Variants in LDAH observed in about 807,000 individuals in gnomAD.
The protein encoded by LDAH is lipid droplet associated hydrolase, also known as lipid droplet-associated hydrolase.
A neutral mutation model predicts 29.6 loss-of-function variants in LDAH; 26 were observed. The observed-to-expected ratio is 0.88, with a 90% confidence interval of 0.64 to 1.22. The LOEUF (loss-of-function observed/expected upper bound fraction) is 1.22, where lower values mean the gene tolerates loss of function less well. Ranked by LOEUF, LDAH falls within the 50% of genes most tolerant of loss-of-function variation. LDAH has a pLI of 0.00. For missense variants in LDAH, 344 were observed against 387.3 expected, an observed-to-expected ratio of 0.89 and a Z score of 0.94; for synonymous variants, 117 against 133.0, an observed-to-expected ratio of 0.88 and a Z score of 0.83.
chr2:20,789,244 T>C (rs1670766926), intron 3 of LDAH: 1 of 1,550,416 alleles, frequency 6.4e-7, no homozygotes, highest in Non-Finnish European at 8.7e-7. Flanking sequence ...CTTTGGGAAG[T>C]AATTAGGATC....
intron 5 of LDAH, among the ~76,000 whole-genome samples, chr2:20,713,647 G>A (rs1367188603): frequency 3.9e-5 from 6 of 152,098 alleles, no homozygotes; most frequent in Non-Finnish European, 7.4e-5. Flanking sequence ...CCCATCTCAC[G>A]TGCAGAGACA....
intron 4 of LDAH, among the ~76,000 whole-genome samples, chr2:20,765,675 G>A (rs1355177842): frequency 2.6e-5 from 4 of 152,130 alleles, no homozygotes; most frequent in African/African-American, 9.7e-5. Flanking sequence ...GCTGAGATGG[G>A]CTGGAAGACC....
chr2:20,713,837 T>C (rs2149381769), intron 5 of LDAH, among the ~76,000 whole-genome samples: 1 of 152,300 alleles, frequency 6.6e-6, no homozygotes, highest in South Asian at 2.1e-4. Flanking sequence ...CTAACTATCC[T>C]AAATATATAT....
At chr2:20,745,894 A>T (rs1667538715) in intron 4 of LDAH, among the ~76,000 whole-genome samples, 1 of 152,180 alleles carries the variant, frequency 6.6e-6, no homozygotes, top group South Asian at 2.1e-4. Flanking sequence ...GGATAGTTTT[A>T]AATAGGGTGT....
At chr2:20,731,853 T>C (rs1666431059) in intron 5 of LDAH, among the ~76,000 whole-genome samples, 1 of 150,894 alleles carries the variant, frequency 6.6e-6, no homozygotes, top group Non-Finnish European at 1.5e-5. Context: ...TTTTTTCTTT[T>C]AGTTTTTTTT....
intron 2 of LDAH, among the ~76,000 whole-genome samples, chr2:20,798,542 T>C (rs1033903340): frequency 1.3e-5 from 2 of 149,874 alleles, no homozygotes; most frequent in African/African-American, 2.4e-5. Flanking sequence ...CAATTCCCTA[T>C]AGGCTTAGCT....
rs1221793297 is a variant in LDAH at position 20,684,673 on chromosome 2, G to T, written c.*2230C>A. ...TGGACATCAGGCCACACAAGCCACA[G>T]AGGGCTTGTGGAGATGCTTATGGCT... On this transcript the variant is annotated 3_prime_UTR_variant, in exon 7 of 7. Transcript: ENST00000237822. 6.3e-6 allele frequency: 3 copies of T among 472,840 alleles called. No homozygotes were observed. The highest frequency in any genetic ancestry group is 7.3e-6 in the Non-Finnish European group (2 of 273,234). The allele number at this position is 472,840 out of a possible 1,614,324, so 29.3% of individuals were successfully genotyped here.
At chr2:20,759,893 C>G (rs1243085837) in intron 4 of LDAH, among the ~76,000 whole-genome samples, 1 of 152,202 alleles carries the variant, frequency 6.6e-6, no homozygotes, top group African/African-American at 2.4e-5. Context: ...ATGGGCCACT[C>G]TCTCATACCA....
intron 5 of LDAH, among the ~76,000 whole-genome samples, chr2:20,711,259 G>A (rs1664736296): frequency 6.6e-6 from 1 of 151,782 alleles, no homozygotes; most frequent in Non-Finnish European, 1.5e-5. Context: ...GTGGTGGTGG[G>A]CGCCTGTAGT....
At chr2:20,781,938 G>T (rs1446519608) in intron 3 of LDAH, among the ~76,000 whole-genome samples, 2 of 152,058 alleles carry the variant, frequency 1.3e-5, no homozygotes, top group Non-Finnish European at 2.9e-5. Context: ...ACACAAGCAG[G>T]CCAACTAGAG....
chr2:20,719,160 A>C (rs1477010621), intron 5 of LDAH, among the ~76,000 whole-genome samples: 3 of 151,756 alleles, frequency 2.0e-5, no homozygotes, highest in Non-Finnish European at 4.4e-5. Context: ...AAAATAATAA[A>C]GATCAGAACA....
At chr2:20,710,078 AT>A (rs1664601494) in intron 5 of LDAH, among the ~76,000 whole-genome samples, 2 of 152,196 alleles carry the variant, frequency 1.3e-5, no homozygotes, top group African/African-American at 4.8e-5. Context: ...AATTAATGCA[AT>A]TAATTAATGA....
chr2:20,761,851 T>A (rs1029909301), intron 4 of LDAH, among the ~76,000 whole-genome samples: 1 of 148,984 alleles, frequency 6.7e-6, no homozygotes. Context: ...CATGAACAAA[T>A]CACCTTAAAA....
chr2:20,790,302 C>T lies in LDAH; in HGVS notation c.251G>A (p.Gly84Glu), dbSNP rs772075762. 3.7e-6 allele frequency: 6 copies of T among 1,614,012 alleles called. No homozygotes were observed. In the African/African-American group the frequency reaches 8.0e-5, roughly 22 times the overall value. Reference sequence around the variant, plus strand: ...CTTGTCTTTGGGAGCCAACGCATGCCCAGCATGACTGATAGTCCAAACTGG... The same window carrying T: ...CTTGTCTTTGGGAGCCAACGCATGCTCAGCATGACTGATAGTCCAAACTGG... The part of the protein sequence containing the change: ...RFPVWTISHA[G>E]HALAPKDKKI... The change falls in exon 3 of 7, where the codon GGG becomes GAG. Residue 84 changes from glycine to glutamate, a missense_variant. Physicochemically the swap from Gly to Glu is moderately conservative, Grantham distance 98. Coordinates refer to ENST00000237822, the MANE Select transcript of LDAH (RefSeq NM_021925.4).
In LDAH at chr2:20,686,801, T is replaced by C. The variant is rs957727823; in HGVS notation, c.*102A>G. On this transcript the variant is annotated 3_prime_UTR_variant, in exon 7 of 7. Transcript: ENST00000237822. The stretch of plus-strand genomic sequence containing the variant: ...TGTAAGACAAAGGTTCTCACTTTCT[T>C]CATTTCTAATATCAGTCTTCAAAAT... The C allele has an allele frequency of 3.7e-5, 41 of 1,109,006 alleles. No individual in the cohort carries two copies. The highest frequency in any genetic ancestry group is 5.1e-5 in the Non-Finnish European group (39 of 772,268). The allele number at this position is 1,109,006 out of a possible 1,614,324, so 68.7% of individuals were successfully genotyped here.
rs1558466575 is a variant in LDAH at position 20,774,967 on chromosome 2, T to G, written c.311A>C (p.Gln104Pro). 6.3e-7 allele frequency: 1 copy of G among 1,590,992 alleles called. No individual in the cohort carries two copies. The highest frequency in any genetic ancestry group is 2.3e-5 in the East Asian group (1 of 44,294). Residue 104 changes from glutamine (Q) to proline (P), a missense_variant, in exon 4 of 7, where the codon CAA becomes CCA. Coordinates refer to ENST00000237822, the MANE Select transcript of LDAH (RefSeq NM_021925.4). ...ILTTSEDSNAQEIKDIYGLNG... is the reference protein window; with the variant it reads ...ILTTSEDSNAPEIKDIYGLNG... ...TAGTCCATAAATGTCCTTAATTTCTTGAGCGTTTGAATCTAAAAGCAAAAA... is the reference window on the plus strand; with the variant it reads ...TAGTCCATAAATGTCCTTAATTTCTGGAGCGTTTGAATCTAAAAGCAAAAA...
chr2:20,717,164 A>G (rs1401480453), intron 5 of LDAH, among the ~76,000 whole-genome samples: 1 of 152,216 alleles, frequency 6.6e-6, no homozygotes, highest in African/African-American at 2.4e-5. Flanking sequence ...CTAGAAGATA[A>G]CATAGGAGAA....
At chr2:20,742,896 G>A (rs1339763101) in intron 4 of LDAH, among the ~76,000 whole-genome samples, 2 of 150,146 alleles carry the variant, frequency 1.3e-5, no homozygotes, top group Non-Finnish European at 3.0e-5. Flanking sequence ...AGTAGCTGGG[G>A]CTACAGGCAC....
chr2:20,716,720 G>GTATATATATATATATA lies in LDAH; in HGVS notation c.704-15069_704-15068insTATATATATATATATA, dbSNP rs1362301507. On this transcript the variant is annotated intron_variant, in intron 5 of 6. Coordinates refer to ENST00000237822, the MANE Select transcript of LDAH (RefSeq NM_021925.4). ...GTGTAGATGTACCCTAGAACTTTAA[G>GTATATATATATATATA]TATATATACATATATATATATATAT... is the stretch of plus-strand genomic sequence containing the variant. 1.9e-3 allele frequency among the ~76,000 whole-genome samples: 244 copies of GTATATATATATATATA among 131,204 alleles called. 6 individuals are homozygous for GTATATATATATATATA. The East Asian group carries it at 0.021, about 11-fold the overall frequency. The allele number at this position is 131,204 out of a possible 152,430, so 86.1% of individuals were successfully genotyped here.
Sources: gnomAD v4.1 joint callset for allele counts (sites outside exome capture counted in the v4.1 genomes callset) on GRCh38, gnomAD v4.1.1 for gene constraint, MANE v1.5 for transcripts, NCBI Gene and HGNC (gene_info 2026-07-23, HGNC 2026-07-21) for gene names.